KAZN: variants seen among roughly 807,000 people sequenced by gnomAD.
KAZN encodes kazrin.
A neutral mutation model predicts 87.4 loss-of-function variants in KAZN; 40 were observed. The ratio of observed to expected loss-of-function variants is 0.46; its 90% CI spans 0.36 to 0.60. KAZN has a LOEUF of 0.60. KAZN is among the 20% of genes least tolerant of loss of function. The pLI, the probability that KAZN is intolerant of heterozygous loss-of-function variation, is 0.00. For synonymous variants in KAZN, 466 were observed against 458.3 expected (o/e 1.02, Z -0.22); for missense variants, 898 against 1,073.9 (o/e 0.84, Z 2.29).
intron 1 of KAZN, among the ~76,000 whole-genome samples, chr1:14,007,812 G>T (rs376418424): frequency 6.6e-5 from 10 of 152,220 alleles, no homozygotes; most frequent in East Asian, 1.9e-4. Flanking sequence ...TTTAACAGAC[G>T]CTGTCCGATA....
intron 1 of KAZN, among the ~76,000 whole-genome samples, chr1:14,686,873 G>A (rs867499006): frequency 1.1e-4 from 16 of 152,374 alleles, no homozygotes; most frequent in Middle Eastern, 6.8e-3. Context: ...TGTTCAGAAA[G>A]AGGGAAAAGC....
intron 1 of KAZN, among the ~76,000 whole-genome samples, chr1:14,911,179 T>C (rs984706450): frequency 6.6e-6 from 1 of 152,156 alleles, no homozygotes; most frequent in African/African-American, 2.4e-5. Flanking sequence ...GGAGAGAGAA[T>C]ATAGGAAACA....
intron 2 of KAZN, among the ~76,000 whole-genome samples, chr1:14,254,894 G>A (rs910094641): frequency 3.3e-5 from 5 of 151,812 alleles, no homozygotes; most frequent in Admixed American, 6.6e-5. Context: ...AGGCTGAGGC[G>A]GGTGGATCAG....
rs1274449744 is a variant in KAZN at position 14,598,744 on chromosome 1, C to T, written c.-254C>T. The T allele has an allele frequency of 4.5e-6, 6 of 1,334,574 alleles. No individual in the cohort carries two copies. Among genetic ancestry groups the T allele is most frequent in the Non-Finnish European group, 5.7e-6 (6 of 1,052,210 alleles). The allele number at this position is 1,334,574 out of a possible 1,614,324, so 82.7% of individuals were successfully genotyped here. ...GGTCTCGGCGATCGCTGCTCCTCCT[C>T]CTCCTTCTCCTCCTCTTTTTTCTCC... On this transcript the variant is annotated 5_prime_UTR_variant, in exon 1 of 15. Coordinates refer to ENST00000376030, the MANE Select transcript of KAZN (RefSeq NM_201628.3). This position sits in a 1 kb window ranked among gnomAD's most constrained non-coding sequence, Gnocchi z 4.2.
chr1:14,614,835 G>A (rs1231661342), intron 1 of KAZN, among the ~76,000 whole-genome samples: 1 of 152,210 alleles, frequency 6.6e-6, no homozygotes, highest in African/African-American at 2.4e-5. Flanking sequence ...GGGAAGTTCA[G>A]CATCTATAGC....
intron 1 of KAZN, among the ~76,000 whole-genome samples, chr1:14,629,190 G>C (rs1679375198): frequency 6.6e-6 from 1 of 152,272 alleles, no homozygotes; most frequent in East Asian, 1.9e-4. Context: ...CGGTGGCAGG[G>C]GGAGGATGGA....
intron 2 of KAZN, among the ~76,000 whole-genome samples, chr1:15,030,297 T>A (rs145580533): frequency 0.27 from 41,030 of 151,778 alleles, 5,809 homozygotes; most frequent in South Asian, 0.32. Context: ...AGACAGAGTC[T>A]CACTCTGTCT....
At chr1:14,478,263 AAGG>A (rs1668874282) in intron 2 of KAZN, among the ~76,000 whole-genome samples, 1 of 140,258 alleles carries the variant, frequency 7.1e-6, no homozygotes, top group African/African-American at 2.6e-5. Context: ...GGAAGGAAGG[AAGG>A]AAGGAAGAAA....
chr1:14,770,705 T>C (rs1239219253), intron 1 of KAZN, among the ~76,000 whole-genome samples: 4 of 152,172 alleles, frequency 2.6e-5, no homozygotes, highest in Admixed American at 6.5e-5. Flanking sequence ...CCATTTGTCA[T>C]TCTTAATAGC....
At chr1:14,625,250 G>A (rs1386651689) in intron 1 of KAZN, among the ~76,000 whole-genome samples, 1 of 152,050 alleles carries the variant, frequency 6.6e-6, no homozygotes, top group African/African-American at 2.4e-5. Context: ...CAGTTCAGAG[G>A]GTAATACCAT....
chr1:14,478,315 AT>A (rs1668885085), intron 2 of KAZN, among the ~76,000 whole-genome samples: 1 of 149,332 alleles, frequency 6.7e-6, no homozygotes, highest in Non-Finnish European at 1.5e-5. Context: ...ATATGGATGG[AT>A]AGAAGGAAGG....
intron 2 of KAZN, among the ~76,000 whole-genome samples, chr1:14,547,712 A>C (rs746411647): frequency 7.2e-5 from 11 of 151,988 alleles, no homozygotes; most frequent in Non-Finnish European, 1.5e-4. Context: ...CCTCCCAAGT[A>C]GCTGGAACTA....
intron 1 of KAZN, among the ~76,000 whole-genome samples, chr1:14,129,811 G>A (rs1044122620): frequency 5.9e-5 from 9 of 152,300 alleles, no homozygotes; most frequent in Admixed American, 4.6e-4. Flanking sequence ...TTATATGCAC[G>A]TTCCTATCCA....
At chr1:14,013,676 C>T (rs1203421769) in intron 1 of KAZN, among the ~76,000 whole-genome samples, 1 of 152,200 alleles carries the variant, frequency 6.6e-6, no homozygotes, top group Admixed American at 6.5e-5. Context: ...AGCTTATTTT[C>T]CTGACACCGT....
chr1:14,618,207 G>T lies in KAZN; in HGVS notation c.226+18984G>T, dbSNP rs115627533. 7.9e-3 allele frequency among the ~76,000 whole-genome samples: 1,197 copies of T among 152,312 alleles called. 17 individuals are homozygous for T. Among genetic ancestry groups the T allele is most frequent in the African/African-American group, 0.027 (1,112 of 41,562 alleles). On this transcript the variant is annotated intron_variant, in intron 1 of 14. Transcript: ENST00000376030. The stretch of plus-strand genomic sequence containing the variant: ...CCCATGTCCATGGAAACACACTGGG[G>T]CATGGCCCCAGCCCCGGCGTGTTCT...
rs893183331 is a variant in KAZN, at chr1:15,117,777, T to G, written c.*3142T>G. ...GTCCTGGGCACCACCACTTCCACTC[T>G]GCTTTTCGAGGCTCCGGAGGGCTCT... On this transcript the variant is annotated 3_prime_UTR_variant, in exon 15 of 15. Transcript: ENST00000376030. 2 of 152,302 alleles carry G rather than the reference T, an allele frequency of 1.3e-5. No homozygotes were observed. Among genetic ancestry groups the G allele is most frequent in the Non-Finnish European group, 2.9e-5 (2 of 68,116 alleles). 9.4% of individuals were successfully genotyped at this position (152,302 alleles called of 1,614,324 possible).
intron 1 of KAZN, among the ~76,000 whole-genome samples, chr1:14,722,464 G>C: frequency 6.6e-6 from 1 of 152,164 alleles, no homozygotes; most frequent in Non-Finnish European, 1.5e-5. Context: ...GTCAAGGTTT[G>C]TTTGTTGGAT....
At chr1:14,779,355 G>A (rs1645267170) in intron 1 of KAZN, among the ~76,000 whole-genome samples, 1 of 152,212 alleles carries the variant, frequency 6.6e-6, no homozygotes, top group African/African-American at 2.4e-5. Context: ...TTCCCTCTGG[G>A]GCTTTTCTGG....
intron 2 of KAZN, among the ~76,000 whole-genome samples, chr1:14,973,812 C>A (rs1175574788): frequency 6.6e-6 from 1 of 152,166 alleles, no homozygotes; most frequent in African/African-American, 2.4e-5. Flanking sequence ...TGACAAAGAT[C>A]CATTTCTTGT....
Sources: allele counts gnomAD v4.1 joint callset (sites outside exome capture counted in the v4.1 genomes callset), GRCh38; gene constraint gnomAD v4.1.1; non-coding constraint Gnocchi (gnomAD v3.1); transcripts MANE v1.5; gene names NCBI Gene and HGNC (gene_info 2026-07-23, HGNC 2026-07-21).